MNAT1: variants seen among roughly 807,000 people sequenced by gnomAD.
MNAT1 encodes CDK-activating kinase assembly factor MAT1.
In MNAT1, 43 loss-of-function variants were observed where a neutral mutation model predicts 42.0. That is an observed-to-expected ratio of 1.02 (90% CI 0.80 to 1.32). MNAT1 has a LOEUF of 1.32. MNAT1 is among the 40% of genes most tolerant of loss of function. The pLI, the probability that MNAT1 is intolerant of heterozygous loss-of-function variation, is 0.00. For synonymous variants in MNAT1, 118 were observed against 120.0 expected, an observed-to-expected ratio of 0.98 and a Z score of 0.11; for missense variants, 306 against 350.4, an observed-to-expected ratio of 0.87 and a Z score of 1.01.
At chr14:60,843,502 C>A (rs1320999445) in intron 6 of MNAT1, among the ~76,000 whole-genome samples, 2 of 152,012 alleles carry the variant, frequency 1.3e-5, no homozygotes, top group Non-Finnish European at 2.9e-5. Context: ...AATCTCCTGA[C>A]CTCGTGATCC....
chr14:60,799,381 C>A, intron 3 of MNAT1: 1 of 985,134 alleles, frequency 1.0e-6, no homozygotes, highest in Non-Finnish European at 1.2e-6. Flanking sequence ...AAGAACTGGG[C>A]AAGTATGAAG....
At chr14:60,918,962 A>G (rs115664044) in intron 7 of MNAT1, among the ~76,000 whole-genome samples, 3,192 of 152,092 alleles carry the variant, frequency 0.021, 108 homozygotes, top group African/African-American at 0.074. Context: ...GTTTAGTTAC[A>G]TGTTAGGTGA....
At chr14:60,789,224 G>A (rs2031743213) in intron 1 of MNAT1, among the ~76,000 whole-genome samples, 1 of 152,106 alleles carries the variant, frequency 6.6e-6, no homozygotes, top group South Asian at 2.1e-4. Flanking sequence ...ACAGTCAGTT[G>A]GTGAAGCAGT....
chr14:60,930,338 G>T (rs1461030106), intron 7 of MNAT1, among the ~76,000 whole-genome samples: 1 of 151,280 alleles, frequency 6.6e-6, no homozygotes, highest in Admixed American at 6.6e-5. Context: ...ACTCTACCCT[G>T]TCCCCTCATA....
At chr14:60,836,778 TCTG>T (rs1476834701) in intron 6 of MNAT1, among the ~76,000 whole-genome samples, 1 of 152,164 alleles carries the variant, frequency 6.6e-6, no homozygotes, top group Non-Finnish European at 1.5e-5. Flanking sequence ...TGCCAGGAGA[TCTG>T]CTGCTCTCTT....
At chr14:60,900,437 C>T (rs1192214248) in intron 7 of MNAT1, among the ~76,000 whole-genome samples, 1 of 152,066 alleles carries the variant, frequency 6.6e-6, no homozygotes, top group African/African-American at 2.4e-5. Context: ...AAGAACAATC[C>T]CTTAAACCAA....
chr14:60,791,669 GC>G (rs1374872104), intron 1 of MNAT1, among the ~76,000 whole-genome samples: 2 of 152,226 alleles, frequency 1.3e-5, no homozygotes, highest in African/African-American at 4.8e-5. Flanking sequence ...GGATCCCGTG[GC>G]TAATTGGCTT....
intron 7 of MNAT1, among the ~76,000 whole-genome samples, chr14:60,925,425 A>G (rs531671777): frequency 1.3e-5 from 2 of 152,216 alleles, no homozygotes; most frequent in East Asian, 3.9e-4. Flanking sequence ...CAAAAACACA[A>G]TGGGATGCAT....
At chr14:60,901,139 G>T (rs570426245) in intron 7 of MNAT1, among the ~76,000 whole-genome samples, 1 of 148,754 alleles carries the variant, frequency 6.7e-6, no homozygotes, top group Non-Finnish European at 1.5e-5. Flanking sequence ...ATATTTATTT[G>T]CCATTTTGAA....
chr14:60,871,829 G>T (rs1023273864), intron 6 of MNAT1, among the ~76,000 whole-genome samples: 1 of 151,972 alleles, frequency 6.6e-6, no homozygotes, highest in Non-Finnish European at 1.5e-5. Context: ...CACCATGTCG[G>T]CCAGGCTGGT....
At chr14:60,911,460 TA>T (rs1242168282) in intron 7 of MNAT1, among the ~76,000 whole-genome samples, 1 of 152,188 alleles carries the variant, frequency 6.6e-6, no homozygotes, top group African/African-American at 2.4e-5. Flanking sequence ...TGTGGGCACT[TA>T]GTGCTATAAA....
chr14:60,919,864 C>A, intron 7 of MNAT1: 2 of 161,624 alleles, frequency 1.2e-5, no homozygotes, highest in South Asian at 3.5e-4. Flanking sequence ...CCTCAATAAT[C>A]ACCGCCATTT....
chr14:60,831,082 T>G (rs1266332849), intron 6 of MNAT1, among the ~76,000 whole-genome samples: 1 of 146,260 alleles, frequency 6.8e-6, no homozygotes, highest in Non-Finnish European at 1.5e-5. Flanking sequence ...GCTAAGAATG[T>G]ATTGCTGCTT....
At chr14:60,738,476 G>C (rs1331180002) in intron 1 of MNAT1, among the ~76,000 whole-genome samples, 1 of 151,906 alleles carries the variant, frequency 6.6e-6, no homozygotes, top group African/African-American at 2.4e-5. Flanking sequence ...GGCTGGTCTC[G>C]AACTACTGAC....
At chr14:60,932,901 C>T (rs141472538) in intron 7 of MNAT1, among the ~76,000 whole-genome samples, 10 of 152,074 alleles carry the variant, frequency 6.6e-5, no homozygotes, top group African/African-American at 2.2e-4. Flanking sequence ...AAAAACAAAA[C>T]TTTGAAGATA....
intron 7 of MNAT1, among the ~76,000 whole-genome samples, chr14:60,944,506 A>C (rs2036235283): frequency 6.6e-6 from 1 of 152,222 alleles, no homozygotes; most frequent in Non-Finnish European, 1.5e-5. Context: ...AATTATGAGA[A>C]ATAGACTTCT....
intron 6 of MNAT1, among the ~76,000 whole-genome samples, chr14:60,869,740 AT>A (rs1228397455): frequency 6.6e-6 from 1 of 152,118 alleles, no homozygotes; most frequent in Non-Finnish European, 1.5e-5. Context: ...CATGTTTAGT[AT>A]TTTTATTATT....
intron 1 of MNAT1, among the ~76,000 whole-genome samples, chr14:60,747,419 C>T (rs1301044212): frequency 6.6e-6 from 1 of 152,116 alleles, no homozygotes; most frequent in Non-Finnish European, 1.5e-5. Context: ...TAAGGTGTAG[C>T]TTATTGCTCC....
Position 60,759,423 on chromosome 14 carries a change from A to G in MNAT1, c.89+24472A>G, listed in dbSNP as rs143078291. ...CATTTAAATTAAAACAAAACAAAAA[A>G]TGAATTAGTTGCCAACATGTAAAAA... On this transcript the variant is annotated intron_variant, in intron 1 of 7. Coordinates refer to ENST00000261245, the MANE Select transcript of MNAT1 (RefSeq NM_002431.4). Among the ~76,000 whole-genome samples the G allele has an allele frequency of 5.1e-3, 781 of 152,322 alleles. 14 individuals carry two copies. The highest frequency in any genetic ancestry group is 0.018 in the African/African-American group (733 of 41,582).
Sources: allele counts gnomAD v4.1 joint callset (sites outside exome capture counted in the v4.1 genomes callset), GRCh38; gene constraint gnomAD v4.1.1; transcripts MANE v1.5; gene names NCBI Gene and HGNC (gene_info 2026-07-23, HGNC 2026-07-21).